Variants in BRAF observed in about 807,000 individuals in gnomAD.
BRAF encodes the protein serine/threonine-protein kinase B-raf.
BRAF carries 16 observed loss-of-function variants against 104.6 expected under a neutral mutation model. That is an observed-to-expected ratio of 0.15 (90% CI 0.10 to 0.23). The LOEUF is 0.23. Among genes scored for constraint, BRAF ranks in the 10% least tolerant of loss-of-function variants. BRAF has a pLI of 1.00. For missense variants in BRAF, 541 were observed against 937.3 expected (o/e 0.58, Z 5.52); for synonymous variants, 310 against 341.6 (o/e 0.91, Z 1.02).
intron 2 of BRAF, among the ~76,000 whole-genome samples, chr7:140,849,571 C>G (rs1308573748): frequency 6.6e-6 from 1 of 150,414 alleles, no homozygotes; most frequent in East Asian, 1.9e-4. Flanking sequence ...AATCCTAGCA[C>G]TTTGGGAGGC....
At chr7:140,767,093 T>C (rs891829636) in intron 14 of BRAF, among the ~76,000 whole-genome samples, 23 of 152,060 alleles carry the variant, frequency 1.5e-4, no homozygotes, top group Non-Finnish European at 3.1e-4. Context: ...AGCCTCATCT[T>C]CCCAGGCTCT....
chr7:140,730,786 G>A (rs1327240874), intron 19 of BRAF: 1 of 150,950 alleles, frequency 6.6e-6, no homozygotes, highest in Non-Finnish European at 1.5e-5. Flanking sequence ...GAAAGCTAAA[G>A]ACTTTATTAA....
downstream of BRAF, among the ~76,000 whole-genome samples, chr7:140,715,389 T>C (rs1795110470): frequency 6.6e-6 from 1 of 152,158 alleles, no homozygotes; most frequent in Non-Finnish European, 1.5e-5. Flanking sequence ...CCATCAGATC[T>C]CTTTGTACTT....
chr7:140,824,232 T>C (rs982814905), intron 3 of BRAF: 13 of 152,264 alleles, frequency 8.5e-5, no homozygotes, highest in Non-Finnish European at 1.5e-4. Context: ...TCCAAAGTTA[T>C]GATGCTTTTC....
chr7:140,875,721 A>C (rs550053379), intron 1 of BRAF, among the ~76,000 whole-genome samples: 1 of 152,366 alleles, frequency 6.6e-6, no homozygotes, highest in African/African-American at 2.4e-5. Flanking sequence ...CATAAAATAT[A>C]GGGGAACACC....
At chr7:140,787,951 A>G (rs1316950481) in intron 8 of BRAF, among the ~76,000 whole-genome samples, 1 of 152,162 alleles carries the variant, frequency 6.6e-6, no homozygotes, top group Non-Finnish European at 1.5e-5. Context: ...AAGTGGACAC[A>G]TGGGGGAAAC....
At chr7:140,734,164 T>C in intron 19 of BRAF, 1 of 1,074,144 alleles carries the variant, frequency 9.3e-7, no homozygotes, top group Non-Finnish European at 1.1e-6. Context: ...ATCTGTTCAG[T>C]TTGCCTTATC....
intron 1 of BRAF, among the ~76,000 whole-genome samples, chr7:140,882,218 G>A (rs933247630): frequency 1.3e-5 from 2 of 151,814 alleles, no homozygotes; most frequent in African/African-American, 4.8e-5. Flanking sequence ...CTTTCTATTG[G>A]GTGGCAAAAA....
At chr7:140,789,791 C>T (rs1412367778) in intron 8 of BRAF, among the ~76,000 whole-genome samples, 3 of 152,212 alleles carry the variant, frequency 2.0e-5, no homozygotes, top group Non-Finnish European at 2.9e-5. Context: ...AGTGCAATGG[C>T]ACGATCTTAG....
chr7:140,846,811 A>G (rs1808599241), intron 2 of BRAF, among the ~76,000 whole-genome samples: 2 of 152,178 alleles, frequency 1.3e-5, no homozygotes, highest in East Asian at 3.8e-4. Context: ...TTTAAATATC[A>G]GTATGTACAG....
At chr7:140,760,376 G>A (rs1455249051) in intron 14 of BRAF, among the ~76,000 whole-genome samples, 4 of 147,682 alleles carry the variant, frequency 2.7e-5, no homozygotes, top group African/African-American at 7.5e-5. Flanking sequence ...TCATGCCATT[G>A]TACTCCAGCC....
chr7:140,800,030 T>G (rs1802922540), intron 7 of BRAF: 1 of 408,172 alleles, frequency 2.4e-6, no homozygotes, highest in African/African-American at 2.0e-5. Context: ...GGGGAAAAGA[T>G]CCTTAATTTA....
chr7:140,745,306 T>C (rs186386409), intron 17 of BRAF, among the ~76,000 whole-genome samples: 117 of 152,272 alleles, frequency 7.7e-4, no homozygotes, highest in Non-Finnish European at 1.3e-3. Flanking sequence ...AGGAGATACA[T>C]AGTTTTTCAA....
intron 1 of BRAF, among the ~76,000 whole-genome samples, chr7:140,899,395 G>A (rs1563025302): frequency 1.3e-5 from 2 of 152,116 alleles, no homozygotes; most frequent in African/African-American, 4.8e-5. Flanking sequence ...AAGAGTGAGT[G>A]GTATTGCTGG....
chr7:140,834,996 T>C, intron 2 of BRAF, 124 bp from the exon 3 acceptor site: 1 of 1,091,150 alleles, frequency 9.2e-7, no homozygotes, highest in Non-Finnish European at 1.4e-6. Context: ...AGTTTCAAAT[T>C]ACAAAATAAG....
chr7:140,877,427 C>T (rs529664361), intron 1 of BRAF, among the ~76,000 whole-genome samples: 9 of 151,554 alleles, frequency 5.9e-5, no homozygotes, highest in Non-Finnish European at 1.3e-4. Context: ...TAAACTGATA[C>T]TATTATATCA....
intron 8 of BRAF, among the ~76,000 whole-genome samples, chr7:140,789,286 G>C (rs1007505180): frequency 3.3e-5 from 5 of 152,082 alleles, no homozygotes; most frequent in African/African-American, 4.8e-5. Context: ...GTCGCTACTG[G>C]TAATGCAATT....
intron 14 of BRAF, among the ~76,000 whole-genome samples, chr7:140,767,970 A>G (rs148448293): frequency 1.3e-5 from 2 of 152,358 alleles, no homozygotes; most frequent in Non-Finnish European, 2.9e-5. Flanking sequence ...TAGTTGGCAT[A>G]AAGAAAAAGG....
intron 6 of BRAF, 114 bp downstream of exon 6, chr7:140,801,298 A>C: frequency 8.1e-7 from 1 of 1,236,278 alleles, no homozygotes; most frequent in South Asian, 1.4e-5. Flanking sequence ...AAAATTCTCT[A>C]TAACAATCGT....
Sources: gnomAD v4.1 joint callset for allele counts (sites outside exome capture counted in the v4.1 genomes callset) on GRCh38, gnomAD v4.1.1 for gene constraint, MANE v1.5 for transcripts, NCBI Gene and HGNC (gene_info 2026-07-23, HGNC 2026-07-21) for gene names.